IGSF11: variants seen among roughly 807,000 people sequenced by gnomAD.
IGSF11 encodes CXADR like 1.
A neutral mutation model predicts 41.0 loss-of-function variants in IGSF11; 22 were observed. The ratio of observed to expected loss-of-function variants is 0.54; its 90% CI spans 0.38 to 0.77. The LOEUF (loss-of-function observed/expected upper bound fraction) is 0.77. Among genes scored for constraint, IGSF11 ranks in the 30% least tolerant of loss-of-function variants. The pLI is 0.00. For missense variants in IGSF11, 444 were observed against 530.8 expected, an observed-to-expected ratio of 0.84 and a Z score of 1.61; for synonymous variants, 219 against 201.3, an observed-to-expected ratio of 1.09 and a Z score of -0.74.
intron 1 of IGSF11, among the ~76,000 whole-genome samples, chr3:118,989,293 T>G (rs183655924): frequency 6.6e-6 from 1 of 152,198 alleles, no homozygotes; most frequent in Non-Finnish European, 1.5e-5. Context: ...TTGTTGGTTG[T>G]TGATCCACAA....
chr3:119,049,461 A>G (rs1006167133), intron 1 of IGSF11, among the ~76,000 whole-genome samples: 1 of 152,220 alleles, frequency 6.6e-6, no homozygotes, highest in African/African-American at 2.4e-5. Flanking sequence ...GGACCTCTTC[A>G]AGGAGAACTA....
chr3:119,081,853 C>T (rs1176274344), intron 1 of IGSF11, among the ~76,000 whole-genome samples: 2 of 152,064 alleles, frequency 1.3e-5, no homozygotes, highest in African/African-American at 2.4e-5. Flanking sequence ...TATTTAGGGA[C>T]AAGAAACCTC....
At chr3:119,060,408 C>T (rs1263402667) in intron 1 of IGSF11, among the ~76,000 whole-genome samples, 1 of 152,110 alleles carries the variant, frequency 6.6e-6, no homozygotes, top group Non-Finnish European at 1.5e-5. Context: ...GAAAAAATTG[C>T]CTCCAATCTG....
At chr3:119,143,331 T>G (rs58432707) in intron 1 of IGSF11, among the ~76,000 whole-genome samples, 12,120 of 152,180 alleles carry the variant, frequency 0.08, 637 homozygotes, top group Admixed American at 0.16. Flanking sequence ...CACAAAAAAG[T>G]AGAGACAGAC....
At chr3:118,932,928 A>G (rs749284182) in intron 1 of IGSF11, among the ~76,000 whole-genome samples, 1 of 152,218 alleles carries the variant, frequency 6.6e-6, no homozygotes, top group African/African-American at 2.4e-5. Flanking sequence ...CAAATTTTTT[A>G]AAATGACCAA....
intron 1 of IGSF11, among the ~76,000 whole-genome samples, chr3:118,992,228 A>G (rs1935857137): frequency 6.6e-6 from 1 of 152,240 alleles, no homozygotes; most frequent in Admixed American, 6.5e-5. Context: ...CAAATAAGAA[A>G]GATGACTATT....
intron 1 of IGSF11, among the ~76,000 whole-genome samples, chr3:119,047,379 A>G (rs6778846): frequency 0.025 from 3,763 of 152,286 alleles, 150 homozygotes; most frequent in African/African-American, 0.086. Flanking sequence ...TTAAACCAAC[A>G]AAGATCAAAA....
At chr3:119,008,691 GGTTAATGT>G (rs950970522) in intron 1 of IGSF11, among the ~76,000 whole-genome samples, 1 of 152,144 alleles carries the variant, frequency 6.6e-6, no homozygotes, top group African/African-American at 2.4e-5. Context: ...CACCTATGAG[GGTTAATGT>G]GCCAACTTGA....
At chr3:119,072,782 G>C (rs530108626) in intron 1 of IGSF11, among the ~76,000 whole-genome samples, 248 of 152,266 alleles carry the variant, frequency 1.6e-3, no homozygotes, top group African/African-American at 5.8e-3. Flanking sequence ...ATTGCAAAGA[G>C]CAAAAGAACA....
intron 1 of IGSF11, chr3:119,112,868 A>C (rs1338439138): frequency 1.3e-5 from 2 of 152,338 alleles, no homozygotes; most frequent in Non-Finnish European, 2.9e-5. Context: ...AAAGAGCTTC[A>C]GTTCGCTCAC....
chr3:119,120,631 G>T (rs183421673), intron 1 of IGSF11, among the ~76,000 whole-genome samples: 1 of 152,312 alleles, frequency 6.6e-6, no homozygotes, highest in African/African-American at 2.4e-5. Context: ...TACATAGCCC[G>T]TGAAAAGATT....
chr3:118,935,763 T>C (rs1943226722), intron 1 of IGSF11, among the ~76,000 whole-genome samples: 1 of 152,090 alleles, frequency 6.6e-6, no homozygotes, highest in South Asian at 2.1e-4. Context: ...TGAAGCCGGA[T>C]ATCTAGACTC....
intron 1 of IGSF11, among the ~76,000 whole-genome samples, chr3:119,023,111 A>T (rs1939458032): frequency 6.6e-6 from 1 of 152,058 alleles, no homozygotes; most frequent in South Asian, 2.1e-4. Flanking sequence ...AAAATACATA[A>T]ATCAGCCAGG....
chr3:119,023,393 C>T (rs1013768683), intron 1 of IGSF11, among the ~76,000 whole-genome samples: 2 of 151,444 alleles, frequency 1.3e-5, no homozygotes, highest in Non-Finnish European at 2.9e-5. Context: ...ACTATTTTTG[C>T]CTACAAATGG....
chr3:119,101,770 A>G (rs1015039651), intron 1 of IGSF11, among the ~76,000 whole-genome samples: 1 of 152,234 alleles, frequency 6.6e-6, no homozygotes, highest in African/African-American at 2.4e-5. Context: ...CCCTAAATGT[A>G]TAACACATTT....
chr3:118,913,430 G>A (rs1940607407), intron 4 of IGSF11, among the ~76,000 whole-genome samples: 1 of 151,958 alleles, frequency 6.6e-6, no homozygotes, highest in African/African-American at 2.4e-5. Flanking sequence ...AGCAAAGGAA[G>A]GAAAACACAA....
At chr3:119,097,483 C>T (rs1173721906) in intron 1 of IGSF11, among the ~76,000 whole-genome samples, 1 of 152,108 alleles carries the variant, frequency 6.6e-6, no homozygotes, top group African/African-American at 2.4e-5. Context: ...AGGGAATCTA[C>T]CCCAGCAAGC....
intron 1 of IGSF11, among the ~76,000 whole-genome samples, chr3:119,032,516 T>G (rs536546496): frequency 3.3e-5 from 5 of 152,170 alleles, no homozygotes; most frequent in Non-Finnish European, 7.4e-5. Context: ...TTCTCTACTA[T>G]CTTGCCCCCA....
upstream of IGSF11, among the ~76,000 whole-genome samples, chr3:119,107,163 A>C (rs1191875148): frequency 6.6e-6 from 1 of 152,198 alleles, no homozygotes; most frequent in Non-Finnish European, 1.5e-5. Flanking sequence ...GAATCACCAC[A>C]CTGACTTCCA....
Sources: allele counts gnomAD v4.1 joint callset (sites outside exome capture counted in the v4.1 genomes callset), GRCh38; gene constraint gnomAD v4.1.1; transcripts MANE v1.5; gene names NCBI Gene and HGNC (gene_info 2026-07-23, HGNC 2026-07-21).